NAALADL2: variants seen among roughly 807,000 people sequenced by gnomAD.
NAALADL2 encodes N-acetylated alpha-linked acidic dipeptidase like 2.
In NAALADL2, 76 loss-of-function variants were observed where a neutral mutation model predicts 87.2. That is an observed-to-expected ratio of 0.87 (90% confidence interval 0.72 to 1.05). The LOEUF (loss-of-function observed/expected upper bound fraction) is 1.05, where lower values mean the gene tolerates loss of function less well. NAALADL2 is among the 50% of genes least tolerant of loss of function. NAALADL2 has a pLI of 0.00. For missense variants in NAALADL2, 1,089 were observed against 945.8 expected, an observed-to-expected ratio of 1.15 and a Z score of -1.99; for synonymous variants, 354 against 331.0, an observed-to-expected ratio of 1.07 and a Z score of -0.75.
Position 175,627,175 on chromosome 3 carries a change from A to C in NAALADL2, c.1801-116A>C, listed in dbSNP as rs1313675297. The C allele has an allele frequency of 1.2e-5, 9 of 749,968 alleles. No homozygotes were observed. The East Asian group carries it at 2.5e-4, about 21-fold the overall frequency. The allele number at this position is 749,968 out of a possible 1,614,324, so 46.5% of individuals were successfully genotyped here. On this transcript the variant is annotated intron_variant, in intron 10 of 13. Transcript: ENST00000454872. Reference sequence around the variant, plus strand: ...ATCAGGAGAATGAAATCCAGCAATCAACAGAAACCTTAAGGCAATTTAGAG... The same window carrying C: ...ATCAGGAGAATGAAATCCAGCAATCCACAGAAACCTTAAGGCAATTTAGAG...
chr3:175,738,491 C>A (rs1374349858), intron 12 of NAALADL2, among the ~76,000 whole-genome samples: 4 of 152,202 alleles, frequency 2.6e-5, no homozygotes, highest in Non-Finnish European at 5.9e-5. Flanking sequence ...AGGCAATCTG[C>A]CTGCCTCGGC....
Position 175,282,526 on chromosome 3 carries a change from T to G in NAALADL2, c.939+25996T>G, listed in dbSNP as rs145270175. ...AAAAAGAATATCATCTGAATAAAAG[T>G]AAACTAACTTTGAAAAAAATGAAAG... On this transcript the variant is annotated intron_variant, in intron 4 of 13. Transcript: ENST00000454872. 2.6e-4 allele frequency among the ~76,000 whole-genome samples: 39 copies of G among 152,062 alleles called. No individual in the cohort carries two copies. The East Asian group carries it at 4.4e-3, about 17-fold the overall frequency.
At chr3:174,793,911 C>T (rs552917969) in intron 3 of NAALADL2, among the ~76,000 whole-genome samples, 4 of 151,770 alleles carry the variant, frequency 2.6e-5, no homozygotes, top group East Asian at 1.9e-4. Context: ...GATACAGTTG[C>T]GACCATTCAG....
At chr3:175,674,242 A>C (rs1734409305) in intron 11 of NAALADL2, among the ~76,000 whole-genome samples, 1 of 147,184 alleles carries the variant, frequency 6.8e-6, no homozygotes, top group Non-Finnish European at 1.5e-5. Context: ...TTTCCAACTG[A>C]TAGTGTTTTT....
At position 175,324,211 on chromosome 3, in the gene NAALADL2, C is replaced by A; in HGVS notation, c.976C>A (p.Leu326Ile). ...GGAAAAGGCTGGATTTGGAGGTGTT[C>A]TTCTGTATATCGATCCTTGTGATTT... ...SLEKAGFGGV[L>I]LYIDPCDLPK... Residue 326 changes from leucine (L) to isoleucine (I), a missense_variant, in exon 5 of 14, where the codon CTT becomes ATT. Leu to Ile is a conservative substitution (Grantham distance 5). Coordinates refer to ENST00000454872, the MANE Select transcript of NAALADL2 (RefSeq NM_207015.3). 1 of 1,613,430 alleles carries A rather than the reference C, an allele frequency of 6.2e-7. No homozygotes were observed. Among genetic ancestry groups the A allele is most frequent in the Non-Finnish European group, 8.5e-7 (1 of 1,179,630 alleles).
intron 1 of NAALADL2, among the ~76,000 whole-genome samples, chr3:174,933,526 A>G (rs1257269828): frequency 2.0e-5 from 3 of 152,146 alleles, no homozygotes; most frequent in Admixed American, 1.3e-4. Flanking sequence ...TAGACCAACT[A>G]TGTTGTTCTT....
At chr3:174,637,176 T>TGTAGGTGG (rs964664428) in intron 2 of NAALADL2, among the ~76,000 whole-genome samples, 3 of 151,976 alleles carry the variant, frequency 2.0e-5, no homozygotes, top group Non-Finnish European at 2.9e-5. Context: ...AAGGGTGTAT[T>TGTAGGTGG]GTAGGTGGGA....
intron 9 of NAALADL2, among the ~76,000 whole-genome samples, chr3:175,530,577 A>G (rs1733962417): frequency 6.6e-6 from 1 of 152,168 alleles, no homozygotes. Context: ...ATCGTGCAGA[A>G]CCATCTGTGA....
At chr3:175,458,667 C>T (rs1379037161) in intron 6 of NAALADL2, among the ~76,000 whole-genome samples, 1 of 151,290 alleles carries the variant, frequency 6.6e-6, no homozygotes, top group East Asian at 1.9e-4. Flanking sequence ...AATCTTTTCT[C>T]TAGCAGTTAG....
intron 1 of NAALADL2, among the ~76,000 whole-genome samples, chr3:175,022,641 T>A (rs1288041575): frequency 6.6e-6 from 1 of 152,086 alleles, no homozygotes; most frequent in South Asian, 2.1e-4. Flanking sequence ...TTAATCCTGT[T>A]TGTGATCCAG....
intron 11 of NAALADL2, among the ~76,000 whole-genome samples, chr3:175,645,116 A>ATT (rs575084906): frequency 1.6e-4 from 23 of 146,496 alleles, no homozygotes; most frequent in African/African-American, 5.5e-4. Context: ...GCGAAGCTGT[A>ATT]TTTTTTTTTT....
intron 1 of NAALADL2, among the ~76,000 whole-genome samples, chr3:174,988,967 G>A (rs1746347997): frequency 6.6e-6 from 1 of 152,180 alleles, no homozygotes; most frequent in African/African-American, 2.4e-5. Flanking sequence ...ACTTGCATCT[G>A]CGTCTAGTGA....
At chr3:174,861,625 A>G (rs1247526563) in intron 1 of NAALADL2, among the ~76,000 whole-genome samples, 2 of 152,096 alleles carry the variant, frequency 1.3e-5, no homozygotes, top group Non-Finnish European at 2.9e-5. Flanking sequence ...GACTATGAGG[A>G]TAATATATTA....
At chr3:174,869,921 G>A (rs1490630129) in intron 1 of NAALADL2, among the ~76,000 whole-genome samples, 2 of 150,276 alleles carry the variant, frequency 1.3e-5, no homozygotes, top group African/African-American at 4.9e-5. Context: ...ACTTGGACCT[G>A]GGAGGCGGAG....
At chr3:175,205,372 CT>C (rs1045453103) in intron 2 of NAALADL2, among the ~76,000 whole-genome samples, 1 of 152,120 alleles carries the variant, frequency 6.6e-6, no homozygotes, top group Non-Finnish European at 1.5e-5. Flanking sequence ...ACAAATGGTG[CT>C]GGGATAACTG....
intron 4 of NAALADL2, among the ~76,000 whole-genome samples, chr3:175,271,362 TTTAA>T (rs1257698786): frequency 3.3e-5 from 5 of 152,208 alleles, no homozygotes; most frequent in African/African-American, 1.2e-4. Context: ...ACGTGAATTA[TTTAA>T]TTGAGAGTTT....
chr3:175,501,912 G>A (rs1729599640), intron 9 of NAALADL2, among the ~76,000 whole-genome samples: 1 of 152,156 alleles, frequency 6.6e-6, no homozygotes, highest in South Asian at 2.1e-4. Context: ...AAGTTCCAAA[G>A]TCAAGTACTA....
intron 1 of NAALADL2, among the ~76,000 whole-genome samples, chr3:174,519,793 T>G (rs1483668238): frequency 6.6e-6 from 1 of 152,168 alleles, no homozygotes; most frequent in African/African-American, 2.4e-5. Flanking sequence ...TCTAGCATCC[T>G]TTCATGATAA....
rs137899455 is a variant in NAALADL2 at position 175,060,814 on chromosome 3, G to A, written c.44-35976G>A. Among the ~76,000 whole-genome samples the A allele has an allele frequency of 6.3e-3, 965 of 152,240 alleles. 34 individuals carry two copies. Among genetic ancestry groups the A allele is most frequent in the East Asian group, 0.046 (236 of 5,164 alleles). ...TGTAATCCCAGCACTTTGGGAGGCC[G>A]AGGTGAGTGGATCACCTGAGGTTGG... On this transcript the variant is annotated intron_variant, in intron 1 of 13. Coordinates refer to ENST00000454872, the MANE Select transcript of NAALADL2 (RefSeq NM_207015.3).
Sources: allele counts gnomAD v4.1 joint callset (sites outside exome capture counted in the v4.1 genomes callset), GRCh38; gene constraint gnomAD v4.1.1; transcripts MANE v1.5; gene names NCBI Gene and HGNC (gene_info 2026-07-23, HGNC 2026-07-21).